The following NEBL variants were observed in gnomAD, a reference collection of about 807,000 sequenced individuals.
NEBL encodes the protein nebulette.
Under a neutral mutation model 140.2 loss-of-function variants are expected in NEBL, and 122 were observed. That is an observed-to-expected ratio of 0.87 (90% confidence interval 0.75 to 1.01). NEBL has a LOEUF of 1.01. NEBL is among the 50% of genes least tolerant of loss of function. The pLI, the probability that NEBL is intolerant of heterozygous loss-of-function variation, is 0.00. For missense variants in NEBL, 1,365 were observed against 1,231.3 expected (o/e 1.11, Z -1.62); for synonymous variants, 436 against 398.9 (o/e 1.09, Z -1.11).
At chr10:21,014,601 C>G (rs74122603) in intron 3 of NEBL, among the ~76,000 whole-genome samples, 2,737 of 152,214 alleles carry the variant, frequency 0.018, 76 homozygotes, top group African/African-American at 0.063. Context: ...GCAACTCCCC[C>G]CTGAGAAAGG....
In NEBL at chr10:20,785,605, T is replaced by G; in HGVS notation, c.*142A>C. The stretch of plus-strand genomic sequence containing the variant: ...CAGCCCAGAGGTCATTCCTTCTTCC[T>G]GGTACCTGTGTGTCTAATTGTCAAA... On this transcript the variant is annotated 3_prime_UTR_variant, in exon 28 of 28. Transcript: ENST00000377122. 2.1e-6 allele frequency: 2 copies of G among 965,898 alleles called. No individual in the cohort carries two copies. Among genetic ancestry groups the G allele is most frequent in the South Asian group, 2.9e-5 (2 of 68,316 alleles). 59.8% of individuals were successfully genotyped at this position (965,898 alleles called of 1,614,324 possible).
At chr10:21,127,574 A>G (rs905588897) in intron 2 of NEBL, among the ~76,000 whole-genome samples, 1 of 152,124 alleles carries the variant, frequency 6.6e-6, no homozygotes, top group Non-Finnish European at 1.5e-5. Flanking sequence ...AAAAAAAAAA[A>G]AGAAAATTTG....
chr10:20,982,170 A>T (rs547629351), intron 3 of NEBL, among the ~76,000 whole-genome samples: 1 of 152,218 alleles, frequency 6.6e-6, no homozygotes, highest in East Asian at 1.9e-4. Context: ...GTACTCAAAA[A>T]TCATTTGCAT....
chr10:20,852,566 G>C lies in NEBL; in HGVS notation c.987C>G (p.Gly329=). The C allele has an allele frequency of 6.2e-7, 1 of 1,613,294 alleles. No homozygotes were observed. The highest frequency in any genetic ancestry group is 8.5e-7 in the Non-Finnish European group (1 of 1,179,674). The change falls in exon 10 of 28, where the codon GGC becomes GGG. Residue 329 remains glycine (G), a synonymous_variant. Coordinates refer to ENST00000377122, the MANE Select transcript of NEBL (RefSeq NM_006393.3). Reference sequence around the variant, plus strand: ...GTACCTGACTTTGGAGGACGGCATTGCCTTTATGGTGCAGATGTTCCACAG... The same window carrying C: ...GTACCTGACTTTGGAGGACGGCATTCCCTTTATGGTGCAGATGTTCCACAG... ...ADAVEHLHHK[G]NAVLQSQVKY... is the part of the protein sequence containing the mutation.
intron 9 of NEBL, among the ~76,000 whole-genome samples, chr10:20,857,912 C>T (rs1158575670): frequency 6.6e-6 from 1 of 152,006 alleles, no homozygotes; most frequent in African/African-American, 2.4e-5. Flanking sequence ...AGTAAAATAT[C>T]CCTGACTTGA....
intron 7 of NEBL, among the ~76,000 whole-genome samples, chr10:20,861,221 A>C (rs1262491180): frequency 6.6e-6 from 1 of 152,178 alleles, no homozygotes; most frequent in Non-Finnish European, 1.5e-5. Flanking sequence ...TCTATCACCC[A>C]GGCTGGAGTG....
intron 2 of NEBL, among the ~76,000 whole-genome samples, chr10:21,142,121 A>G (rs1202071995): frequency 6.6e-6 from 1 of 151,406 alleles, no homozygotes; most frequent in Non-Finnish European, 1.5e-5. Context: ...TTCTCTTAGC[A>G]CTCTCCTTGG....
intron 2 of NEBL, chr10:21,170,225 C>G (rs1308433117): frequency 6.6e-6 from 1 of 152,032 alleles, no homozygotes; most frequent in Non-Finnish European, 1.5e-5. Flanking sequence ...AATTGCTATT[C>G]TCTCCCCATT....
intron 2 of NEBL, among the ~76,000 whole-genome samples, chr10:20,894,614 TATA>T (rs1847288793): frequency 6.6e-6 from 1 of 151,916 alleles, no homozygotes; most frequent in Non-Finnish European, 1.5e-5. Context: ...TGTATACAGA[TATA>T]AATTAAGCCA....
intron 4 of NEBL, among the ~76,000 whole-genome samples, chr10:20,945,630 G>T (rs2131581206): frequency 6.6e-6 from 1 of 152,292 alleles, no homozygotes; most frequent in African/African-American, 2.4e-5. Flanking sequence ...CCAGTGTTAA[G>T]AAACTTGGAA....
chr10:20,992,347 C>T (rs1837490068), intron 3 of NEBL, among the ~76,000 whole-genome samples: 1 of 152,202 alleles, frequency 6.6e-6, no homozygotes, highest in Non-Finnish European at 1.5e-5. Context: ...CTCAACCGCC[C>T]TTGCAGTTCA....
intron 26 of NEBL, among the ~76,000 whole-genome samples, chr10:20,799,853 T>C (rs768977019): frequency 2.0e-5 from 3 of 152,176 alleles, no homozygotes; most frequent in Non-Finnish European, 4.4e-5. Flanking sequence ...TACAACATGA[T>C]GGTATGGGAT....
intron 3 of NEBL, 145 bp downstream of exon 3, chr10:20,889,700 T>C: frequency 1.5e-6 from 1 of 666,930 alleles, no homozygotes. Flanking sequence ...TGACAGCGCA[T>C]CACATTAGAT....
In NEBL at chr10:21,271,362, G is replaced by A. The variant is rs7907420; in HGVS notation, n.183-19534C>T. Among the ~76,000 whole-genome samples the A allele has an allele frequency of 7.7e-3, 1,173 of 152,278 alleles. 15 individuals are homozygous for A. The highest frequency in any genetic ancestry group is 0.027 in the African/African-American group (1,106 of 41,544). On this transcript the variant is annotated intron_variant and non_coding_transcript_variant, in intron 1 of 8. Coordinates refer to the NEBL transcript ENST00000675702. ...ACTCCTGGAAGTAGAGAGTAGAGAG[G>A]TGGTTGCTAGCGGCTGGAGGGCAGA...
At chr10:20,840,615 A>T in intron 13 of NEBL, 124 bp downstream of exon 13, 1 of 715,176 alleles carries the variant, frequency 1.4e-6, no homozygotes, top group South Asian at 1.6e-5. Context: ...GACTACAAGG[A>T]TATAGCTGTT....
intron 5 of NEBL, among the ~76,000 whole-genome samples, chr10:20,880,429 C>T (rs964636574): frequency 1.3e-5 from 2 of 152,164 alleles, no homozygotes; most frequent in Non-Finnish European, 1.5e-5. Flanking sequence ...CTTCTGTGGG[C>T]CATTGATTCC....
chr10:21,105,081 G>A (rs142417379), intron 2 of NEBL, among the ~76,000 whole-genome samples: 237 of 152,270 alleles, frequency 1.6e-3, no homozygotes, highest in African/African-American at 4.6e-3. Context: ...CCCACTTGGC[G>A]ATGATATTAT....
At chr10:21,146,596 C>A in intron 2 of NEBL, 1 of 964,878 alleles carries the variant, frequency 1.0e-6, no homozygotes, top group South Asian at 1.6e-5. Context: ...TACAGAAGCT[C>A]TTAGCAACCG....
chr10:20,998,649 A>T (rs1046602054), intron 3 of NEBL, among the ~76,000 whole-genome samples: 6 of 152,124 alleles, frequency 3.9e-5, no homozygotes, highest in Non-Finnish European at 7.3e-5. Flanking sequence ...AACCAAGCAG[A>T]TGGCCAGGAA....
Sources: gnomAD v4.1 joint callset for allele counts (sites outside exome capture counted in the v4.1 genomes callset) on GRCh38, gnomAD v4.1.1 for gene constraint, MANE v1.5 for transcripts, NCBI Gene and HGNC (gene_info 2026-07-23, HGNC 2026-07-21) for gene names.